The following DNAJC3 variants were observed in gnomAD, a reference collection of about 807,000 sequenced individuals.
The protein encoded by DNAJC3 is dnaJ homolog subfamily C member 3.
Under a neutral mutation model 68.6 loss-of-function variants are expected in DNAJC3, and 38 were observed. That is an observed-to-expected ratio of 0.55 (90% confidence interval 0.43 to 0.73). The LOEUF is 0.73. Ranked by LOEUF, DNAJC3 falls within the 30% of genes least tolerant of loss-of-function variation. The pLI is 0.00. For synonymous variants in DNAJC3, 203 were observed against 204.0 expected (o/e 1.00, Z 0.04); for missense variants, 526 against 591.9 (o/e 0.89, Z 1.16).
At chr13:95,689,869 G>A (rs1034554152) in intron 1 of DNAJC3, among the ~76,000 whole-genome samples, 2 of 151,744 alleles carry the variant, frequency 1.3e-5, no homozygotes, top group Admixed American at 6.6e-5. Flanking sequence ...AAGTAATTCC[G>A]GTTGTTTACT....
chr13:95,757,719 T>G lies in DNAJC3; in HGVS notation c.469T>G (p.Leu157Val). Residue 157 changes from leucine to valine, a missense_variant, in exon 5 of 12, where the codon TTG becomes GTG. Transcript: ENST00000602402. ...QLIKSDEMQR[L>V]RSQALNAFGS... The stretch of plus-strand genomic sequence containing the variant: ...TATAAAATCTGATGAAATGCAGCGT[T>G]TGCGTTCACAAGCACTTAACGCTTT... 1 of 1,586,572 alleles carries G rather than the reference T, an allele frequency of 6.3e-7. No individual in the cohort carries two copies. Among genetic ancestry groups the G allele is most frequent in the Non-Finnish European group, 8.6e-7 (1 of 1,158,338 alleles).
chr13:95,752,430 A>G (rs578138879), intron 4 of DNAJC3, among the ~76,000 whole-genome samples: 1 of 152,310 alleles, frequency 6.6e-6, no homozygotes, highest in East Asian at 1.9e-4. Context: ...GAAGATAACA[A>G]TTCTCATATC....
At chr13:95,786,099 G>T (rs1396844751) in intron 10 of DNAJC3, 28 bp downstream of exon 10, 1 of 1,567,966 alleles carries the variant, frequency 6.4e-7, no homozygotes, top group Non-Finnish European at 8.6e-7. Flanking sequence ...AATTTACTTT[G>T]CTATTTTTAA....
intron 4 of DNAJC3, among the ~76,000 whole-genome samples, chr13:95,726,421 G>A (rs1881524137): frequency 6.6e-6 from 1 of 152,124 alleles, no homozygotes; most frequent in African/African-American, 2.4e-5. Context: ...TTCTCTGATG[G>A]CCAGTGATGA....
At position 95,684,523 on chromosome 13, in the gene DNAJC3, A is replaced by G. The variant is rs567781369; in HGVS notation, c.82+7186A>G. Among the ~76,000 whole-genome samples, 15 of 152,346 alleles carry G rather than the reference A, an allele frequency of 9.8e-5. 1 individual carries two copies. In the East Asian group the frequency reaches 2.9e-3, roughly 29 times the overall value. On this transcript the variant is annotated intron_variant, in intron 1 of 11. Transcript: ENST00000602402. ...GAGTTGGAAAATTTTCAGTCTGACCATGTGGTAGAAAAGAAAAACCCATTT... is the reference window on the plus strand; with the variant it reads ...GAGTTGGAAAATTTTCAGTCTGACCGTGTGGTAGAAAAGAAAAACCCATTT...
intron 1 of DNAJC3, among the ~76,000 whole-genome samples, chr13:95,689,268 G>T (rs1301010870): frequency 4.0e-5 from 6 of 148,784 alleles, no homozygotes; most frequent in Middle Eastern, 3.2e-3. Flanking sequence ...GGACTAATTT[G>T]ATTTTATTGC....
intron 4 of DNAJC3, among the ~76,000 whole-genome samples, chr13:95,725,831 CA>C: frequency 8.4e-6 from 1 of 118,580 alleles, no homozygotes; most frequent in East Asian, 3.0e-4. Flanking sequence ...CCCCTCCCCC[CA>C]CCCCACAACA....
chr13:95,701,727 C>T (rs534058036), intron 1 of DNAJC3, among the ~76,000 whole-genome samples: 1 of 152,230 alleles, frequency 6.6e-6, no homozygotes, highest in South Asian at 2.1e-4. Flanking sequence ...TCTCCTATAC[C>T]AGCCACTAGT....
At chr13:95,699,757 T>A (rs1408753040) in intron 1 of DNAJC3, among the ~76,000 whole-genome samples, 1 of 152,226 alleles carries the variant, frequency 6.6e-6, no homozygotes, top group African/African-American at 2.4e-5. Flanking sequence ...TACAGAAATT[T>A]CCAGCACATA....
intron 4 of DNAJC3, chr13:95,742,667 C>T (rs749790911): frequency 5.8e-6 from 3 of 518,514 alleles, no homozygotes; most frequent in South Asian, 2.8e-5. Context: ...GGGACTCCAG[C>T]GTTCTCTCCT....
intron 2 of DNAJC3, among the ~76,000 whole-genome samples, chr13:95,715,857 A>G (rs1018299207): frequency 3.3e-5 from 5 of 152,004 alleles, no homozygotes; most frequent in Admixed American, 1.3e-4. Context: ...ATAACAAACT[A>G]TAGAAAATAA....
intron 2 of DNAJC3, among the ~76,000 whole-genome samples, chr13:95,711,093 A>T (rs1398404993): frequency 6.6e-6 from 1 of 152,278 alleles, no homozygotes; most frequent in East Asian, 1.9e-4. Flanking sequence ...GGTTTGTCAT[A>T]CTTTTCTTTA....
intron 9 of DNAJC3, among the ~76,000 whole-genome samples, chr13:95,766,707 T>G (rs1412005209): frequency 6.6e-5 from 10 of 152,026 alleles, no homozygotes; most frequent in Non-Finnish European, 1.5e-4. Context: ...TATTTTTTTT[T>G]TTTTTGAGAT....
At position 95,758,548 on chromosome 13, in the gene DNAJC3, G is replaced by A. The variant is rs1242641053; in HGVS notation, c.546+752G>A. 4.0e-5 allele frequency among the ~76,000 whole-genome samples: 6 copies of A among 150,976 alleles called. No homozygotes were observed. The East Asian group carries it at 7.7e-4, about 19-fold the overall frequency. Reference sequence around the variant, plus strand: ...AGCTACTCGGGAGGCTGAGGCGCTCGAACCTGAGAAGCAGAGGTTGCAGTG... The same window carrying A: ...AGCTACTCGGGAGGCTGAGGCGCTCAAACCTGAGAAGCAGAGGTTGCAGTG... On this transcript the variant is annotated intron_variant, in intron 5 of 11. Coordinates refer to ENST00000602402, the MANE Select transcript of DNAJC3 (RefSeq NM_006260.5).
intron 1 of DNAJC3, among the ~76,000 whole-genome samples, chr13:95,690,767 T>C (rs1593953113): frequency 8.5e-6 from 1 of 118,214 alleles, no homozygotes; most frequent in African/African-American, 3.2e-5. Flanking sequence ...ACTTTCCGGA[T>C]GGGGTGGCTG....
chr13:95,689,048 C>CT (rs955899476), intron 1 of DNAJC3, among the ~76,000 whole-genome samples: 3 of 148,702 alleles, frequency 2.0e-5, no homozygotes, highest in Admixed American at 6.7e-5. Flanking sequence ...CTGTGGTTTC[C>CT]TTTTTTTGGT....
intron 4 of DNAJC3, among the ~76,000 whole-genome samples, chr13:95,728,976 C>T (rs1157566894): frequency 6.6e-6 from 1 of 151,602 alleles, no homozygotes; most frequent in East Asian, 1.9e-4. Flanking sequence ...TCTCTAATGT[C>T]TATCATGTCT....
At chr13:95,722,765 GGCCATGATCAT>G (rs980382849) in intron 2 of DNAJC3, among the ~76,000 whole-genome samples, 8 of 140,394 alleles carry the variant, frequency 5.7e-5, no homozygotes, top group African/African-American at 2.1e-4. Context: ...GGCTGCAGAG[GGCCATGATCAT>G]GCCACTGCGC....
chr13:95,785,140 T>A lies in DNAJC3; in HGVS notation c.1076-799T>A, dbSNP rs567678071. ...CTTCTGTTCCCTTTCTTTCTACAAA[T>A]TTTTTTTTTCTAGCTTCCCATTGGC... On this transcript the variant is annotated intron_variant, in intron 9 of 11. Coordinates refer to ENST00000602402, the MANE Select transcript of DNAJC3 (RefSeq NM_006260.5). Among the ~76,000 whole-genome samples the A allele has an allele frequency of 4.0e-5, 6 of 151,028 alleles. No homozygotes were observed. The South Asian group carries it at 1.3e-3, about 32-fold the overall frequency.
Sources: gnomAD v4.1 joint callset for allele counts (sites outside exome capture counted in the v4.1 genomes callset) on GRCh38, gnomAD v4.1.1 for gene constraint, MANE v1.5 for transcripts, NCBI Gene and HGNC (gene_info 2026-07-23, HGNC 2026-07-21) for gene names.